The following KCNN2 variants were observed in gnomAD, a reference collection of about 807,000 sequenced individuals.
KCNN2 encodes the protein small conductance calcium-activated potassium channel protein 2.
KCNN2 carries 24 observed loss-of-function variants against 55.5 expected under a neutral mutation model. That is an observed-to-expected ratio of 0.43 (90% CI 0.31 to 0.61). The LOEUF is 0.61. Ranked by LOEUF, KCNN2 falls within the 20% of genes least tolerant of loss-of-function variation. KCNN2 has a pLI of 0.08. For missense variants in KCNN2, 754 were observed against 853.6 expected (o/e 0.88, Z 1.45); for synonymous variants, 431 against 336.1 (o/e 1.28, Z -3.09).
At chr5:114,139,899 A>AT (rs796931557) in intron 1 of KCNN2, among the ~76,000 whole-genome samples, 2 of 151,308 alleles carry the variant, frequency 1.3e-5, no homozygotes, top group African/African-American at 2.4e-5. Context: ...GTAAGACTGA[A>AT]TTTTTTTTTC....
intron 2 of KCNN2, among the ~76,000 whole-genome samples, chr5:114,395,687 T>C (rs572264890): frequency 1.3e-5 from 2 of 152,316 alleles, no homozygotes; most frequent in African/African-American, 4.8e-5. Flanking sequence ...TCATTTTCTT[T>C]ATAGAATTGA....
intron 2 of KCNN2, among the ~76,000 whole-genome samples, chr5:114,336,411 G>C (rs371374319): frequency 3.1e-4 from 47 of 152,270 alleles, no homozygotes; most frequent in African/African-American, 1.1e-3. Flanking sequence ...ATGCCTACTA[G>C]AATAGCTAGA....
At chr5:114,160,848 A>G (rs1285810398) in intron 1 of KCNN2, among the ~76,000 whole-genome samples, 7 of 151,660 alleles carry the variant, frequency 4.6e-5, no homozygotes, top group African/African-American at 1.7e-4. Flanking sequence ...TTTGTTTTCC[A>G]TTTGCTTGGT....
chr5:114,472,128 C>CATGCCCCCTTCCCTGCTGGGAG (rs1204921249), intron 4 of KCNN2, among the ~76,000 whole-genome samples: 2 of 152,162 alleles, frequency 1.3e-5, no homozygotes, highest in African/African-American at 4.8e-5. Context: ...TAGTTCCTCA[C>CATGCCCCCTTCCCTGCTGGGAG]ATGCCCCCTT....
chr5:114,191,314 C>G (rs1753443703), intron 1 of KCNN2, among the ~76,000 whole-genome samples: 1 of 152,074 alleles, frequency 6.6e-6, no homozygotes, highest in South Asian at 2.1e-4. Flanking sequence ...CCAGAGCATT[C>G]CCATATCTTA....
At chr5:114,430,616 C>G (rs1383157335) in intron 3 of KCNN2, among the ~76,000 whole-genome samples, 2 of 152,078 alleles carry the variant, frequency 1.3e-5, no homozygotes, top group African/African-American at 4.8e-5. Flanking sequence ...CTAGAACTTT[C>G]AGTACAAAGT....
intron 6 of KCNN2, among the ~76,000 whole-genome samples, chr5:114,491,373 A>G (rs1410215992): frequency 6.6e-6 from 1 of 152,152 alleles, no homozygotes; most frequent in Non-Finnish European, 1.5e-5. Context: ...ATGTTAATCC[A>G]TTTTTATACA....
chr5:114,106,647 T>A (rs1751490257), intron 1 of KCNN2, among the ~76,000 whole-genome samples: 1 of 151,186 alleles, frequency 6.6e-6, no homozygotes, highest in Non-Finnish European at 1.5e-5. Flanking sequence ...CCAGTTGTTT[T>A]TTTTTTTTTT....
intron 2 of KCNN2, among the ~76,000 whole-genome samples, chr5:114,298,400 C>T (rs1188881161): frequency 1.3e-5 from 2 of 152,230 alleles, no homozygotes; most frequent in African/African-American, 4.8e-5. Context: ...CACCTCCCGG[C>T]TCTTCTCCTC....
chr5:114,218,813 T>A lies in KCNN2; in HGVS notation c.-270-2667T>A, dbSNP rs79318914. ...TGTGGGATGCTGAAATCGGGGAGGCTATGCACATGTGGGGCTAGGTGTACA... is the reference window on the plus strand; with the variant it reads ...TGTGGGATGCTGAAATCGGGGAGGCAATGCACATGTGGGGCTAGGTGTACA... On this transcript the variant is annotated intron_variant, in intron 1 of 10. Coordinates refer to the KCNN2 transcript ENST00000512097. Among the ~76,000 whole-genome samples the A allele has an allele frequency of 2.8e-3, 419 of 152,304 alleles. 3 individuals carry two copies. Among genetic ancestry groups the A allele is most frequent in the African/African-American group, 9.2e-3 (382 of 41,568 alleles).
chr5:114,185,494 G>C (rs527543877), intron 1 of KCNN2, among the ~76,000 whole-genome samples: 1 of 152,308 alleles, frequency 6.6e-6, no homozygotes, highest in South Asian at 2.1e-4. Flanking sequence ...TCCTTTTCCT[G>C]TGTGGAACGT....
At chr5:114,472,996 G>C (rs936260470) in intron 4 of KCNN2, 58 bp from the exon 5 acceptor site, 1 of 998,774 alleles carries the variant, frequency 1.0e-6, no homozygotes, top group African/African-American at 1.6e-5. Context: ...TTTCTAATGT[G>C]TCTGAGACAG....
chr5:114,331,888 A>G (rs1756828896), intron 2 of KCNN2, among the ~76,000 whole-genome samples: 1 of 152,208 alleles, frequency 6.6e-6, no homozygotes, highest in Non-Finnish European at 1.5e-5. Context: ...TGAGCACTGC[A>G]CCTGTAAGAC....
At chr5:114,286,001 C>T (rs756891282) in intron 2 of KCNN2, among the ~76,000 whole-genome samples, 1 of 151,488 alleles carries the variant, frequency 6.6e-6, no homozygotes, top group Non-Finnish European at 1.5e-5. Context: ...CTCACAGCAA[C>T]CTCCTCGTCC....
intron 2 of KCNN2, among the ~76,000 whole-genome samples, chr5:114,390,933 A>AG (rs1758434420): frequency 6.6e-6 from 1 of 152,074 alleles, no homozygotes; most frequent in Non-Finnish European, 1.5e-5. Flanking sequence ...AACATGTGAA[A>AG]GGGGAGTAAG....
intron 3 of KCNN2, among the ~76,000 whole-genome samples, chr5:114,423,079 C>G (rs986847720): frequency 4.6e-5 from 7 of 152,116 alleles, no homozygotes; most frequent in African/African-American, 1.4e-4. Context: ...TGAAGTAAAA[C>G]AAGGGATATT....
In KCNN2 at chr5:114,362,625, C is replaced by G. The variant is rs527423415; in HGVS notation, c.486C>G (p.Ser162Arg). ...ASASQYHQCH[S>R]LQPAASPTGS... ...CCTCCCAGTACCACCAGTGCCACAG[C>G]CTGCAGCCCGCCGCCAGCCCCACGG... Residue 162 changes from serine to arginine, a missense_variant, in exon 1 of 8, where the codon AGC becomes AGG. This residue lies in a region of KCNN2 where 381 missense variants were observed against 259.1 expected (regional missense o/e 1.47). Transcript: ENST00000673685. 1.2e-4 allele frequency: 127 copies of G among 1,087,190 alleles called. No homozygotes were observed. In the African/African-American group the frequency reaches 1.9e-3, roughly 16 times the overall value. The allele number at this position is 1,087,190 out of a possible 1,614,324, so 67.3% of individuals were successfully genotyped here.
At chr5:114,195,275 G>A (rs993950579) in intron 1 of KCNN2, among the ~76,000 whole-genome samples, 3 of 150,560 alleles carry the variant, frequency 2.0e-5, no homozygotes, top group Non-Finnish European at 3.0e-5. Flanking sequence ...AAATCGATTT[G>A]AGTAGTATTG....
rs375614104 is a variant in KCNN2 at position 114,437,005 on chromosome 5, G to T, written c.1638-26044G>T. On this transcript the variant is annotated intron_variant, in intron 3 of 7. Transcript: ENST00000673685. ...AGCACAGATTTAGGTTTTATTTGTG[G>T]GTTGTTTTTTTCTTATCTATAAAAT... Among the ~76,000 whole-genome samples the T allele has an allele frequency of 3.9e-4, 59 of 152,040 alleles. No individual in the cohort carries two copies. In the East Asian group the frequency reaches 0.011, roughly 27 times the overall value.
Sources: allele counts gnomAD v4.1 joint callset (sites outside exome capture counted in the v4.1 genomes callset), GRCh38; gene constraint gnomAD v4.1.1; regional missense constraint gnomAD v4.1.1; transcripts MANE v1.5; gene names NCBI Gene and HGNC (gene_info 2026-07-23, HGNC 2026-07-21).